Variants in CCNH observed in about 807,000 individuals in gnomAD.
The protein encoded by CCNH is cyclin H, also known as cyclin-H.
In CCNH, 31 loss-of-function variants were observed where a neutral mutation model predicts 41.9. The ratio of observed to expected loss-of-function variants is 0.74; its 90% CI spans 0.56 to 1.00. The LOEUF (loss-of-function observed/expected upper bound fraction) is 1.00. Ranked by LOEUF, CCNH falls within the 50% of genes least tolerant of loss-of-function variation. The probability of loss-of-function intolerance (pLI) is 0.00; values close to 1 mark genes in which losing one functional copy is unlikely to be tolerated. For synonymous variants in CCNH, 138 were observed against 136.1 expected, an observed-to-expected ratio of 1.01 and a Z score of -0.10; for missense variants, 362 against 388.4, an observed-to-expected ratio of 0.93 and a Z score of 0.57.
rs772959259 is a variant in CCNH, at chr5:87,397,648, T to C, written c.872+1746A>G. Among the ~76,000 whole-genome samples the C allele has an allele frequency of 5.3e-5, 8 of 152,166 alleles. No homozygotes were observed. The East Asian group carries it at 9.6e-4, about 18-fold the overall frequency. ...TTGAGAAGCACCCCTCAAGTACTCA[T>C]AGATATTCAGAATTTGGCCCAGTAC... On this transcript the variant is annotated intron_variant, in intron 7 of 8. Transcript: ENST00000256897.
At chr5:87,371,736 A>C (rs561836335), downstream of CCNH, among the ~76,000 whole-genome samples, 1 of 152,210 alleles carries the variant, frequency 6.6e-6, no homozygotes, top group South Asian at 2.1e-4. Context: ...TATCAAGTTA[A>C]ATTCCACCTA....
chr5:87,329,163 G>A (rs755697449), intron 9 of CCNH, among the ~76,000 whole-genome samples: 11 of 151,852 alleles, frequency 7.2e-5, no homozygotes, highest in South Asian at 2.1e-4. Flanking sequence ...GTAAAAAATC[G>A]ACTCGGTGTG....
chr5:87,311,698 C>G, the CCNH span, among the ~76,000 whole-genome samples: 47 of 152,282 alleles, frequency 3.1e-4, no homozygotes, highest in African/African-American at 1.1e-3. Context: ...TCTTGGTGTC[C>G]AGGGATCTTT....
At chr5:87,336,332 C>T (rs1281505497) in intron 9 of CCNH, among the ~76,000 whole-genome samples, 2 of 151,078 alleles carry the variant, frequency 1.3e-5, no homozygotes, top group Non-Finnish European at 3.0e-5. Context: ...TTTAGGATGT[C>T]ATTTTTAAGA....
At chr5:87,350,933 A>G (rs1759218570) in intron 9 of CCNH, among the ~76,000 whole-genome samples, 1 of 151,758 alleles carries the variant, frequency 6.6e-6, no homozygotes, top group South Asian at 2.1e-4. Context: ...TATATATTTC[A>G]TTTCAGCATT....
chr5:87,380,571 C>G, upstream of CCNH: 1 of 1,612,796 alleles, frequency 6.2e-7, no homozygotes, highest in South Asian at 1.1e-5. Flanking sequence ...CCTACAAATA[C>G]CACCATGAGA....
intron 4 of CCNH, 55 bp downstream of exon 4, chr5:87,407,921 T>C: frequency 7.5e-7 from 1 of 1,329,194 alleles, no homozygotes; most frequent in Non-Finnish European, 1.1e-6. Context: ...TGGATTCTTT[T>C]GTTAAAGAAT....
chr5:87,408,737 G>A (rs1277823660), intron 3 of CCNH, among the ~76,000 whole-genome samples: 1 of 152,184 alleles, frequency 6.6e-6, no homozygotes, highest in Non-Finnish European at 1.5e-5. Flanking sequence ...GTAAAAAACA[G>A]TTGGCAGTGA....
Position 87,358,456 on chromosome 5 carries a change from T to TC in CCNH, c.*90+34313dup, listed in dbSNP as rs147416495. 1.7e-3 allele frequency among the ~76,000 whole-genome samples: 260 copies of TC among 152,340 alleles called. 1 individual carries two copies. The highest frequency in any genetic ancestry group is 0.017 in the Middle Eastern group (5 of 294). On this transcript the variant is annotated intron_variant and NMD_transcript_variant, in intron 9 of 9. Transcript: ENST00000645953. ...ATCATCCTCAATTCTTCTCTTTTTT[T>TC]CTTCCTGTACTTTATATCTAACCTG...
chr5:87,394,585 T>C, intron 8 of CCNH, 101 bp from the exon 9 acceptor site: 2 of 1,567,604 alleles, frequency 1.3e-6, no homozygotes, highest in South Asian at 2.4e-5. Flanking sequence ...CTTTTACCCA[T>C]GTGGATTACA....
chr5:87,389,647 C>A, downstream of CCNH: 9 of 1,291,090 alleles, frequency 7.0e-6, no homozygotes, highest in Admixed American at 1.8e-5. Context: ...TGAGACTCTG[C>A]ATCATATTAC....
intron 7 of CCNH, among the ~76,000 whole-genome samples, chr5:87,397,620 A>G (rs1222225679): frequency 3.3e-5 from 5 of 152,124 alleles, no homozygotes; most frequent in Admixed American, 6.5e-5. Flanking sequence ...AGTCCTTCGC[A>G]GTTTGAGAAG....
chr5:87,333,128 T>C, intron 9 of CCNH: 1 of 1,311,300 alleles, frequency 7.6e-7, no homozygotes, highest in Non-Finnish European at 1.0e-6. Flanking sequence ...TGGGTATTTA[T>C]AGTCCAAGTA....
chr5:87,360,128 T>TG (rs1282616046), intron 9 of CCNH, among the ~76,000 whole-genome samples: 2 of 151,454 alleles, frequency 1.3e-5, no homozygotes, highest in Non-Finnish European at 2.9e-5. Flanking sequence ...AATGCAGTTT[T>TG]TTTTTTTTTT....
Position 87,363,398 on chromosome 5 carries a change from G to A in CCNH, c.*90+29372C>T, listed in dbSNP as rs778999159. On this transcript the variant is annotated intron_variant and NMD_transcript_variant, in intron 9 of 9. Coordinates refer to the CCNH transcript ENST00000645953. ...ATATTTTATCTTAGAGGGTAGTGAT[G>A]CCCAACTTATTTATTTTGAAAGCGA... 2 of 1,610,750 alleles carry A rather than the reference G, an allele frequency of 1.2e-6. No individual in the cohort carries two copies. Among genetic ancestry groups the A allele is most frequent in the African/African-American group, 1.3e-5 (1 of 74,772 alleles).
intron 9 of CCNH, among the ~76,000 whole-genome samples, chr5:87,322,482 C>G (rs926853668): frequency 3.9e-5 from 6 of 152,190 alleles, no homozygotes; most frequent in Non-Finnish European, 8.8e-5. Flanking sequence ...TCCACTAAAT[C>G]AGTCAGTCCC....
chr5:87,379,613 TC>T (rs1295056308), upstream of CCNH: 1 of 1,333,028 alleles, frequency 7.5e-7, no homozygotes, highest in Non-Finnish European at 1.0e-6. Flanking sequence ...AGAAAAAAGA[TC>T]AATACACACA....
chr5:87,384,116 G>A (rs1761911988), intron 9 of CCNH, among the ~76,000 whole-genome samples: 1 of 152,040 alleles, frequency 6.6e-6, no homozygotes, highest in African/African-American at 2.4e-5. Flanking sequence ...GCTTTGCTTA[G>A]CCCATTGCTA....
chr5:87,364,228 C>G (rs1310789027), intron 9 of CCNH, among the ~76,000 whole-genome samples: 1 of 152,062 alleles, frequency 6.6e-6, no homozygotes, highest in Non-Finnish European at 1.5e-5. Context: ...TTCTGTGAGG[C>G]AAATCTACGT....
Sources: allele counts gnomAD v4.1 joint callset (sites outside exome capture counted in the v4.1 genomes callset), GRCh38; gene constraint gnomAD v4.1.1; transcripts MANE v1.5; gene names NCBI Gene and HGNC (gene_info 2026-07-23, HGNC 2026-07-21).